Variants in ALPK3 observed in about 807,000 individuals in gnomAD.
ALPK3 encodes the protein alpha kinase 3, also known as alpha-protein kinase 3.
Under a neutral mutation model 140.0 loss-of-function variants are expected in ALPK3, and 102 were observed. The ratio of observed to expected loss-of-function variants is 0.73; its 90% CI spans 0.62 to 0.86. The LOEUF (loss-of-function observed/expected upper bound fraction) is 0.86, where lower values mean the gene tolerates loss of function less well. Among genes scored for constraint, ALPK3 ranks in the 40% least tolerant of loss-of-function variants. The probability of loss-of-function intolerance (pLI) is 0.00; values close to 1 mark genes in which losing one functional copy is unlikely to be tolerated. For synonymous variants in ALPK3, 938 were observed against 898.5 expected, an observed-to-expected ratio of 1.04 and a Z score of -0.79; for missense variants, 2,254 against 2,208.2, an observed-to-expected ratio of 1.02 and a Z score of -0.42.
chr15:84,843,232 C>T (rs916063416), intron 5 of ALPK3, among the ~76,000 whole-genome samples: 2 of 152,000 alleles, frequency 1.3e-5, no homozygotes, highest in African/African-American at 2.4e-5. Context: ...TTTGGAAGGC[C>T]GAAGCAGGTG....
chr15:84,818,275 C>G (rs1395413405), intron 1 of ALPK3, among the ~76,000 whole-genome samples: 2 of 152,106 alleles, frequency 1.3e-5, no homozygotes, highest in African/African-American at 4.8e-5. Flanking sequence ...ACTGATGAGC[C>G]CTTCACTGGT....
At position 84,859,812 on chromosome 15, in the gene ALPK3, G is replaced by T; in HGVS notation, c.4002G>T (p.Val1334=). 6.2e-7 allele frequency: 1 copy of T among 1,613,678 alleles called. No homozygotes were observed. The highest frequency in any genetic ancestry group is 8.5e-7 in the Non-Finnish European group (1 of 1,179,988). ...AGGGGCCGGCGGCCTTGGCCATCGT[G>T]CAGGCCTCCCCCGTAGACTGCGGTG... ...GDEGPAALAI[V]QASPVDCGVY... Residue 1334 remains valine, a synonymous_variant, in exon 8 of 14, where the codon GTG becomes GTT. Transcript: ENST00000258888.
At chr15:84,823,486 G>T in intron 2 of ALPK3, 118 bp downstream of exon 2, 2 of 1,184,824 alleles carry the variant, frequency 1.7e-6, no homozygotes, top group Non-Finnish European at 1.2e-6. Flanking sequence ...GGGAGAGCTG[G>T]AGGGTGGGTG....
intron 3 of ALPK3, among the ~76,000 whole-genome samples, chr15:84,832,858 G>C (rs1963557798): frequency 6.6e-6 from 1 of 152,178 alleles, no homozygotes; most frequent in Non-Finnish European, 1.5e-5. Flanking sequence ...GAGAGAGGCA[G>C]GTGTCAGGGA....
chr15:84,818,805 A>G (rs1963391039), intron 1 of ALPK3, among the ~76,000 whole-genome samples: 1 of 152,194 alleles, frequency 6.6e-6, no homozygotes, highest in African/African-American at 2.4e-5. Flanking sequence ...CAGACTCAAC[A>G]AGGCCCCTGG....
intron 12 of ALPK3, among the ~76,000 whole-genome samples, chr15:84,866,393 G>A (rs1489290380): frequency 6.6e-6 from 1 of 152,096 alleles, no homozygotes; most frequent in Non-Finnish European, 1.5e-5. Flanking sequence ...GTGACTTGTC[G>A]AGTACCCACA....
rs1391138935 is a variant in ALPK3 at position 84,871,372 on chromosome 15, C to G, written c.*2916C>G. Reference sequence around the variant, plus strand: ...TTTTACGTAGCAGCAATCATATTTTCCCTTGATAGGGTTCATCATTCTAGA... The same window carrying G: ...TTTTACGTAGCAGCAATCATATTTTGCCTTGATAGGGTTCATCATTCTAGA... On this transcript the variant is annotated 3_prime_UTR_variant, in exon 14 of 14. Transcript: ENST00000258888. The G allele has an allele frequency of 6.6e-6, 1 of 152,202 alleles. No homozygotes were observed. The highest frequency in any genetic ancestry group is 1.5e-5 in the Non-Finnish European group (1 of 68,032). 9.4% of individuals were successfully genotyped at this position (152,202 alleles called of 1,614,324 possible).
At chr15:84,820,419 C>T (rs1213066841) in intron 1 of ALPK3, among the ~76,000 whole-genome samples, 1 of 152,172 alleles carries the variant, frequency 6.6e-6, no homozygotes. Flanking sequence ...TGGAGGCCCC[C>T]AGCTTTCGTG....
chr15:84,823,316 C>A lies in ALPK3; in HGVS notation c.144-14C>A. On this transcript the variant is annotated splice_polypyrimidine_tract_variant and intron_variant, in intron 1 of 13. Coordinates refer to ENST00000258888, the MANE Select transcript of ALPK3 (RefSeq NM_020778.5). ...TTTTTTGGCCTAATGATTCCATTTG[C>A]TGTTTTTGCTTAGCTTATCAAGCAA... is the stretch of plus-strand genomic sequence containing the variant. 1 of 1,614,146 alleles carries A rather than the reference C, an allele frequency of 6.2e-7. No homozygotes were observed. The highest frequency in any genetic ancestry group is 8.5e-7 in the Non-Finnish European group (1 of 1,180,000).
chr15:84,847,550 A>G (rs373439022), intron 5 of ALPK3, among the ~76,000 whole-genome samples: 4 of 152,218 alleles, frequency 2.6e-5, no homozygotes, highest in African/African-American at 9.6e-5. Context: ...CATTATTTAT[A>G]GGGAAGCAAT....
At chr15:84,855,113 C>T (rs1446006998) in intron 5 of ALPK3, among the ~76,000 whole-genome samples, 1 of 152,198 alleles carries the variant, frequency 6.6e-6, no homozygotes, top group Non-Finnish European at 1.5e-5. Flanking sequence ...GATCTGCCTC[C>T]ATTCCATCTC....
At chr15:84,844,821 C>T (rs561337255) in intron 5 of ALPK3, among the ~76,000 whole-genome samples, 85 of 151,934 alleles carry the variant, frequency 5.6e-4, no homozygotes, top group African/African-American at 1.8e-3. Context: ...CACGCCACCG[C>T]GCTCCAGCCT....
At chr15:84,845,732 G>T (rs1050729317) in intron 5 of ALPK3, among the ~76,000 whole-genome samples, 10 of 152,120 alleles carry the variant, frequency 6.6e-5, no homozygotes, top group Non-Finnish European at 1.0e-4. Context: ...TCCCACACTG[G>T]CCACTGGGTG....
rs375943296 is a variant in ALPK3 at position 84,857,380 on chromosome 15, C to T, written c.2642C>T (p.Ala881Val). 2.2e-5 allele frequency: 35 copies of T among 1,614,082 alleles called. No homozygotes were observed. The highest frequency in any genetic ancestry group is 8.3e-5 in the Admixed American group (5 of 60,028). Residue 881 changes from alanine to valine, a missense_variant, in exon 6 of 14, where the codon GCG (alanine) becomes GTG (valine). Physicochemically the swap from Ala to Val is moderately conservative, Grantham distance 64. Around this residue, in one of 3 missense-constraint regions of ALPK3, gnomAD observed 2,088 missense variants for 2,022.9 expected, o/e 1.03. Transcript: ENST00000258888. ...ACTGGGCTGACAGCTAGCCCAAAGG[C>T]GGGGCCGTGTAGCACCCCGACTTCT... is the stretch of plus-strand genomic sequence containing the variant. ...PGTGLTASPK[A>V]GPCSTPTSQH...
Position 84,856,688 on chromosome 15 carries a change from G to A in ALPK3, c.1950G>A (p.Arg650=). The change falls in exon 6 of 14, where the codon AGG becomes AGA. Residue 650 remains arginine, a synonymous_variant. Transcript: ENST00000258888. ...ATGCTGGGACACAAGAAAGCAAGAG[G>A]CCACAGTCAGACAGGAGTGCACAGA... is the stretch of plus-strand genomic sequence containing the variant. ...QVDAGTQESK[R]PQSDRSAQKG... is the part of the protein sequence containing the mutation. The A allele has an allele frequency of 6.2e-7, 1 of 1,614,074 alleles. No individual in the cohort carries two copies. Among genetic ancestry groups the A allele is most frequent in the Non-Finnish European group, 8.5e-7 (1 of 1,180,020 alleles).
At position 84,840,110 on chromosome 15, in the gene ALPK3, C is replaced by T. The variant is rs1381829636; in HGVS notation, c.831C>T (p.Asn277=). 1.2e-6 allele frequency: 2 copies of T among 1,613,982 alleles called. No individual in the cohort carries two copies. Among genetic ancestry groups the T allele is most frequent in the South Asian group, 1.1e-5 (1 of 91,052 alleles). ...NSFASGEVTT[N]GEAAPENGED... is the part of the protein sequence containing the mutation. The stretch of plus-strand genomic sequence containing the variant: ...TTGCTTCTGGAGAAGTGACCACCAA[C>T]GGGGAGGCTGCCCCCGAGAATGGAG... Residue 277 remains asparagine, a synonymous_variant, in exon 5 of 14, where the codon AAC becomes AAT. Coordinates refer to ENST00000258888, the MANE Select transcript of ALPK3 (RefSeq NM_020778.5).
At chr15:84,851,385 C>T (rs181902518) in intron 5 of ALPK3, among the ~76,000 whole-genome samples, 43 of 152,202 alleles carry the variant, frequency 2.8e-4, no homozygotes, top group East Asian at 2.1e-3. Context: ...TGCTGAGGGA[C>T]GGGCCTCACT....
At chr15:84,835,673 G>A (rs538174888) in intron 3 of ALPK3, among the ~76,000 whole-genome samples, 8 of 152,266 alleles carry the variant, frequency 5.3e-5, no homozygotes, top group Non-Finnish European at 8.8e-5. Flanking sequence ...TGCAGGTGAC[G>A]TTAGAGCTGA....
rs748744420 is a variant in ALPK3 at position 84,857,690 on chromosome 15, G to C, written c.2952G>C (p.Val984=). The change falls in exon 6 of 14, where the codon GTG becomes GTC. Residue 984 remains valine (V), a synonymous_variant. Coordinates refer to ENST00000258888, the MANE Select transcript of ALPK3 (RefSeq NM_020778.5). ...GTGGAGCAGGGGGAGAGTCCCAGGT[G>C]GGGGCAGCCACCGGAGGTCTGGTGC... ...ETSGAGGESQ[V]GAATGGLVPS... 14 of 1,610,386 alleles carry C rather than the reference G, an allele frequency of 8.7e-6. No homozygotes were observed. The highest frequency in any genetic ancestry group is 3.3e-5 in the Admixed American group (2 of 59,894).
Sources: gnomAD v4.1 joint callset for allele counts (sites outside exome capture counted in the v4.1 genomes callset) on GRCh38, gnomAD v4.1.1 for gene constraint, gnomAD v4.1.1 regional missense constraint, MANE v1.5 for transcripts, NCBI Gene and HGNC (gene_info 2026-07-23, HGNC 2026-07-21) for gene names.